Variants in EPB42 observed in about 807,000 individuals in gnomAD.
EPB42 encodes the protein protein 4.2.
Under a neutral mutation model 76.9 loss-of-function variants are expected in EPB42, and 49 were observed. The ratio of observed to expected loss-of-function variants is 0.64; its 90% CI spans 0.51 to 0.81. The LOEUF (loss-of-function observed/expected upper bound fraction) is 0.81, where lower values mean the gene tolerates loss of function less well. EPB42 is among the 30% of genes least tolerant of loss of function. EPB42 has a pLI of 0.00. For synonymous variants in EPB42, 310 were observed against 338.4 expected (o/e 0.92, Z 0.92); for missense variants, 731 against 867.6 (o/e 0.84, Z 1.98).
intron 7 of EPB42, 109 bp from the exon 8 acceptor site, chr15:43,208,442 A>T: frequency 7.1e-7 from 1 of 1,409,666 alleles, no homozygotes; most frequent in Non-Finnish European, 1.0e-6. Context: ...ATGGGAGGTC[A>T]CTGTGTCAAA....
At chr15:43,217,694 TG>T (rs2142323888) in intron 1 of EPB42, among the ~76,000 whole-genome samples, 1 of 152,312 alleles carries the variant, frequency 6.6e-6, no homozygotes, top group Non-Finnish European at 1.5e-5. Flanking sequence ...AGAGAAACTA[TG>T]GCTTTTGCTC....
At chr15:43,219,661 G>A (rs1007093686) in intron 1 of EPB42, among the ~76,000 whole-genome samples, 1 of 152,148 alleles carries the variant, frequency 6.6e-6, no homozygotes, top group African/African-American at 2.4e-5. Context: ...TAAAAAGAAC[G>A]ATTTGGCCAG....
chr15:43,207,421 C>A lies in EPB42; in HGVS notation c.1096G>T (p.Val366Leu). ...GGGVLGSCDL[V>L]PVRAVKEGTL... The stretch of plus-strand genomic sequence containing the variant: ...CCCTCCTTGACTGCTCTGACCGGCA[C>A]CAGATCACAGGACCCCAGGACTGAG... The change falls in exon 9 of 13, where the codon GTG (valine) becomes TTG (leucine). Residue 366 changes from valine (V) to leucine (L), a missense_variant. By Grantham distance (32) the Val-to-Leu change is conservative. Coordinates refer to ENST00000441366, the MANE Select transcript of EPB42 (RefSeq NM_001114134.2). 1 of 1,613,990 alleles carries A rather than the reference C, an allele frequency of 6.2e-7. No individual in the cohort carries two copies. Among genetic ancestry groups the A allele is most frequent in the Non-Finnish European group, 8.5e-7 (1 of 1,180,042 alleles).
intron 9 of EPB42, 110 bp downstream of exon 9, chr15:43,207,089 A>G: frequency 6.6e-7 from 1 of 1,518,460 alleles, no homozygotes; most frequent in Non-Finnish European, 9.0e-7. Flanking sequence ...CCTGTTTTAT[A>G]TGATGCGGAA....
At chr15:43,218,190 C>T (rs2042405731) in intron 1 of EPB42, among the ~76,000 whole-genome samples, 1 of 152,090 alleles carries the variant, frequency 6.6e-6, no homozygotes. Context: ...GTGCTGGGGC[C>T]CAGGGTAAGC....
At chr15:43,222,138 GAA>G (rs201705216), upstream of EPB42, among the ~76,000 whole-genome samples, 11 of 124,384 alleles carry the variant, frequency 8.8e-5, no homozygotes, top group African/African-American at 2.3e-4. Context: ...CTCCATCTCA[GAA>G]AAAAAAAAAA....
At chr15:43,200,775 C>G (rs537765428) in intron 12 of EPB42, among the ~76,000 whole-genome samples, 95 of 151,700 alleles carry the variant, frequency 6.3e-4, no homozygotes, top group Middle Eastern at 6.9e-3. Flanking sequence ...GCCTAGGACC[C>G]AGCAATTCTA....
rs368862301 is a variant in EPB42 at position 43,210,450 on chromosome 15, TCACACAGGGCCATGATGAAGGGTCCC to T, written c.550-37_550-12del. 129 of 1,612,604 alleles carry T rather than the reference TCACACAGGGCCATGATGAAGGGTCCC, an allele frequency of 8.0e-5. No individual in the cohort carries two copies. The African/African-American group carries it at 1.3e-3, about 17-fold the overall frequency. ...GACATCCCCCTCGAACTGTTAAGGA[TCACACAGGGCCATGATGAAGGGTCCC>T]CACACAGGGCCATGAGGAAGGGTCC... On this transcript the variant is annotated splice_polypyrimidine_tract_variant and intron_variant, in intron 4 of 12. Transcript: ENST00000441366.
upstream of EPB42, among the ~76,000 whole-genome samples, chr15:43,221,819 T>C (rs1188054510): frequency 2.3e-5 from 3 of 131,100 alleles, no homozygotes; most frequent in Admixed American, 7.4e-5. Context: ...GATCTTATTA[T>C]GTAAAAAAAA....
chr15:43,199,211 G>A (rs1474604510), intron 12 of EPB42, among the ~76,000 whole-genome samples: 1 of 152,162 alleles, frequency 6.6e-6, no homozygotes, highest in African/African-American at 2.4e-5. Flanking sequence ...AACTTGCACT[G>A]TCTGCCTGGA....
intron 3 of EPB42, among the ~76,000 whole-genome samples, chr15:43,214,345 G>T (rs887460032): frequency 1.3e-5 from 2 of 152,182 alleles, no homozygotes; most frequent in African/African-American, 4.8e-5. Context: ...GCCACGGTTG[G>T]GGGGGCGGGG....
At chr15:43,221,582 C>T (rs932556058), upstream of EPB42, among the ~76,000 whole-genome samples, 3 of 152,046 alleles carry the variant, frequency 2.0e-5, no homozygotes, top group Admixed American at 6.6e-5. Flanking sequence ...AGAAGGATCT[C>T]ATATTTGGCC....
At chr15:43,205,039 C>A (rs1280941367) in intron 10 of EPB42, among the ~76,000 whole-genome samples, 1 of 146,546 alleles carries the variant, frequency 6.8e-6, no homozygotes, top group Non-Finnish European at 1.5e-5. Context: ...CTTATATGAC[C>A]CCTTCCATTC....
intron 12 of EPB42, among the ~76,000 whole-genome samples, chr15:43,201,043 C>T (rs2042116897): frequency 6.6e-6 from 1 of 152,178 alleles, no homozygotes; most frequent in Admixed American, 6.5e-5. Context: ...CTCGATCCTC[C>T]TGACCTTGTG....
intron 4 of EPB42, among the ~76,000 whole-genome samples, chr15:43,210,694 G>C (rs2042281687): frequency 6.6e-6 from 1 of 152,106 alleles, no homozygotes; most frequent in Non-Finnish European, 1.5e-5. Flanking sequence ...TCCCGGTAGG[G>C]TGTGAGCTCT....
chr15:43,220,090 C>T (rs969446595), intron 1 of EPB42, among the ~76,000 whole-genome samples: 1 of 152,094 alleles, frequency 6.6e-6, no homozygotes. Flanking sequence ...GCACACCAGA[C>T]CAACCAGGGC....
chr15:43,221,821 T>TA (rs56939497), upstream of EPB42, among the ~76,000 whole-genome samples: 8,246 of 107,298 alleles, frequency 0.077, 619 homozygotes, highest in African/African-American at 0.2. Flanking sequence ...TCTTATTATG[T>TA]AAAAAAAAAA....
At chr15:43,221,880 T>C (rs1239336347), upstream of EPB42, among the ~76,000 whole-genome samples, 2 of 150,310 alleles carry the variant, frequency 1.3e-5, no homozygotes, top group African/African-American at 4.9e-5. Flanking sequence ...CAGTGGCTCA[T>C]GCCTGTAATC....
rs1440808793 is a variant in EPB42, at chr15:43,210,247, G to T, written c.654+88C>A. 1.9e-5 allele frequency: 22 copies of T among 1,176,698 alleles called. No individual in the cohort carries two copies. The East Asian group carries it at 5.1e-4, about 28-fold the overall frequency. 72.9% of individuals were successfully genotyped at this position (1,176,698 alleles called of 1,614,324 possible). A position where few individuals can be genotyped will look rare whatever the true frequency, so the allele number is the denominator to read the frequency against. On this transcript the variant is annotated intron_variant, in intron 5 of 12. Transcript: ENST00000441366. ...GGAGGGGGCCATTTGTGATTTGGGG[G>T]TTTCTGAGGCCACGGTGGTGGGGCA...
Sources: gnomAD v4.1 joint callset for allele counts (sites outside exome capture counted in the v4.1 genomes callset) on GRCh38, gnomAD v4.1.1 for gene constraint, MANE v1.5 for transcripts, NCBI Gene and HGNC (gene_info 2026-07-23, HGNC 2026-07-21) for gene names.